MRC1: variants seen among roughly 807,000 people sequenced by gnomAD.
The protein encoded by MRC1 is macrophage mannose receptor 1.
A neutral mutation model predicts 102.9 loss-of-function variants in MRC1; 62 were observed. The ratio of observed to expected loss-of-function variants is 0.60; its 90% CI spans 0.49 to 0.74. MRC1 has a LOEUF of 0.74. MRC1 is among the 30% of genes least tolerant of loss of function. The pLI is 0.00. For missense variants in MRC1, 1,237 were observed against 862.8 expected (o/e 1.43, Z -5.43); for synonymous variants, 457 against 298.4 (o/e 1.53, Z -5.48).
At position 17,845,336 on chromosome 10, in the gene MRC1, G is replaced by A; in HGVS notation, c.964G>A (p.Gly322Arg). 1 of 780,742 alleles carries A rather than the reference G, an allele frequency of 1.3e-6. No homozygotes were observed. Among genetic ancestry groups the A allele is most frequent in the South Asian group, 1.3e-5 (1 of 74,600 alleles). 48.4% of individuals were successfully genotyped at this position (780,742 alleles called of 1,614,324 possible). ...AAAAAGCTGTGTGTCACTAAATCCT[G>A]GAAAAAATGCTAAATGGGAAAATCT... ...PGKSCVSLNP[G>R]KNAKWENLEC... Residue 322 changes from glycine (G) to arginine (R), a missense_variant, in exon 6 of 30, where the codon GGA becomes AGA. Transcript: ENST00000569591.
chr10:17,887,212 A>G (rs1589192105), intron 22 of MRC1, among the ~76,000 whole-genome samples: 1 of 152,008 alleles, frequency 6.6e-6, no homozygotes, highest in East Asian at 1.9e-4. Context: ...ACAGGGAGAA[A>G]CCCCGTCTCT....
chr10:17,899,989 T>G (rs1197279466), intron 24 of MRC1, among the ~76,000 whole-genome samples: 1 of 151,140 alleles, frequency 6.6e-6, no homozygotes, highest in East Asian at 2.0e-4. Flanking sequence ...TCCCAGCTAC[T>G]TGGGAGGCAG....
intron 9 of MRC1, among the ~76,000 whole-genome samples, chr10:17,856,821 G>C (rs1833099929): frequency 6.6e-6 from 1 of 152,068 alleles, no homozygotes; most frequent in Non-Finnish European, 1.5e-5. Flanking sequence ...TTTCTGATGA[G>C]GCATCTCCTG....
chr10:17,885,641 A>G (rs1833582256), intron 22 of MRC1, among the ~76,000 whole-genome samples: 1 of 152,170 alleles, frequency 6.6e-6, no homozygotes. Context: ...GGAAGTGGCA[A>G]TAGTGAGAGG....
chr10:17,833,338 T>C (rs1432446217), intron 3 of MRC1, among the ~76,000 whole-genome samples: 1 of 151,810 alleles, frequency 6.6e-6, no homozygotes, highest in Non-Finnish European at 1.5e-5. Context: ...CTGGGCCACA[T>C]AGAGAGACTA....
At chr10:17,834,951 A>G (rs1351014928) in intron 4 of MRC1, among the ~76,000 whole-genome samples, 4 of 152,156 alleles carry the variant, frequency 2.6e-5, no homozygotes, top group African/African-American at 7.2e-5. Flanking sequence ...CTCTGCTCCT[A>G]TGACTGCCAT....
In MRC1 at chr10:17,907,789, C is replaced by T. The variant is rs574209616; in HGVS notation, c.4078+91C>T. On this transcript the variant is annotated intron_variant, in intron 28 of 29. Coordinates refer to ENST00000569591, the MANE Select transcript of MRC1 (RefSeq NM_002438.4). ...CAGGTATGGAATCATAATGTGATTA[C>T]GAGGCCATTGGAAGCTCTGTCCTTT... 2.7e-4 allele frequency: 201 copies of T among 749,226 alleles called. No homozygotes were observed. In the African/African-American group the frequency reaches 3.0e-3, roughly 11 times the overall value. The allele number at this position is 749,226 out of a possible 1,614,324, so 46.4% of individuals were successfully genotyped here. A position where few individuals can be genotyped will look rare whatever the true frequency, so the allele number is the denominator to read the frequency against.
intron 10 of MRC1, chr10:17,863,058 G>A (rs2130663272): frequency 6.3e-6 from 1 of 157,712 alleles, no homozygotes; most frequent in South Asian, 1.8e-4. Context: ...GCTGAAATAT[G>A]AGAGAATAAA....
intron 12 of MRC1, among the ~76,000 whole-genome samples, chr10:17,868,990 C>T (rs1199700170): frequency 4.6e-5 from 7 of 152,178 alleles, no homozygotes; most frequent in East Asian, 1.9e-4. Context: ...TCCTAGCCTT[C>T]GCCTGAGGAT....
At chr10:17,836,749 T>C (rs1011162859) in intron 4 of MRC1, among the ~76,000 whole-genome samples, 4 of 151,966 alleles carry the variant, frequency 2.6e-5, no homozygotes, top group Non-Finnish European at 5.9e-5. Flanking sequence ...GGTAGGAGAA[T>C]GGCTTGAACC....
intron 8 of MRC1, 131 bp downstream of exon 8, chr10:17,853,255 C>A: frequency 1.4e-6 from 1 of 701,196 alleles, no homozygotes; most frequent in South Asian, 1.7e-5. Context: ...AAAGGTGAAC[C>A]AAAATTCAGA....
intron 12 of MRC1, among the ~76,000 whole-genome samples, chr10:17,868,905 AC>A (rs1833316575): frequency 1.3e-5 from 2 of 152,360 alleles, no homozygotes; most frequent in South Asian, 4.1e-4. Flanking sequence ...GAGGACTAAC[AC>A]AAAGAAAATC....
chr10:17,900,452 T>G (rs1033588484), intron 24 of MRC1, among the ~76,000 whole-genome samples: 8 of 152,222 alleles, frequency 5.3e-5, no homozygotes, highest in African/African-American at 1.7e-4. Context: ...AATATCTTAT[T>G]TGTTATGAAG....
At chr10:17,880,774 T>C (rs691261) in intron 20 of MRC1, 104 bp downstream of exon 20, 263,512 of 758,092 alleles carry the variant, frequency 0.35, 47,158 homozygotes, top group African/African-American at 0.49. Flanking sequence ...CTTTAGAAAA[T>C]TTTTGGCAAG....
intron 22 of MRC1, among the ~76,000 whole-genome samples, chr10:17,886,206 G>T (rs1347839284): frequency 2.0e-5 from 3 of 152,172 alleles, no homozygotes; most frequent in Non-Finnish European, 4.4e-5. Context: ...TACGTCTATG[G>T]TGTCCTATGT....
At position 17,910,786 on chromosome 10, in the gene MRC1, A is replaced by G. The variant is rs952187895; in HGVS notation, c.*321A>G. ...ATTTTAAGCACTCTAGAAACAATGA[A>G]GCTTCTTGGCATATTTTAAGGAGCT... On this transcript the variant is annotated 3_prime_UTR_variant, in exon 30 of 30. Coordinates refer to ENST00000569591, the MANE Select transcript of MRC1 (RefSeq NM_002438.4). 7.1e-5 allele frequency: 23 copies of G among 323,428 alleles called. No homozygotes were observed. In the Admixed American group the frequency reaches 9.2e-4, roughly 13 times the overall value. The allele number at this position is 323,428 out of a possible 1,614,324, so 20.0% of individuals were successfully genotyped here. A position where few individuals can be genotyped will look rare whatever the true frequency, so the allele number is the denominator to read the frequency against.
intron 26 of MRC1, among the ~76,000 whole-genome samples, chr10:17,905,082 G>C (rs913110956): frequency 3.3e-5 from 5 of 152,122 alleles, no homozygotes; most frequent in Non-Finnish European, 5.9e-5. Context: ...GGGTTTTCTA[G>C]GGAACTGTAA....
Position 17,855,767 on chromosome 10 carries a change from C to T in MRC1, c.1408-475C>T, listed in dbSNP as rs868986432. Among the ~76,000 whole-genome samples, 1,332 of 152,236 alleles carry T rather than the reference C, an allele frequency of 8.7e-3. 12 individuals are homozygous for T. Among genetic ancestry groups the T allele is most frequent in the East Asian group, 0.02 (103 of 5,174 alleles). On this transcript the variant is annotated intron_variant, in intron 8 of 29. Transcript: ENST00000569591. ...TAGCTAGAGTCAAAATTACTGTTTA[C>T]ATATGAACATGTCAATTACCTTTCC...
At position 17,898,791 on chromosome 10, in the gene MRC1, G is replaced by A. The variant is rs956838790; in HGVS notation, c.3483+525G>A. On this transcript the variant is annotated intron_variant, in intron 24 of 29. Coordinates refer to ENST00000569591, the MANE Select transcript of MRC1 (RefSeq NM_002438.4). ...AAGGTTGGCAAAGACTAGGGAAGAG[G>A]CAGAAAACTAAGAATGCTGATAGAG... 9.0e-3 allele frequency among the ~76,000 whole-genome samples: 1,376 copies of A among 152,268 alleles called. 25 individuals carry two copies. Among genetic ancestry groups the A allele is most frequent in the African/African-American group, 0.032 (1,314 of 41,548 alleles).
Sources: gnomAD v4.1 joint callset for allele counts (sites outside exome capture counted in the v4.1 genomes callset) on GRCh38, gnomAD v4.1.1 for gene constraint, MANE v1.5 for transcripts, NCBI Gene and HGNC (gene_info 2026-07-23, HGNC 2026-07-21) for gene names.